The following CCND3 variants were observed in gnomAD, a reference collection of about 807,000 sequenced individuals.
CCND3 encodes the protein cyclin D3, also known as G1/S-specific cyclin-D3.
Under a neutral mutation model 28.7 loss-of-function variants are expected in CCND3, and 9 were observed. The ratio of observed to expected loss-of-function variants is 0.31; its 90% CI spans 0.19 to 0.55. The LOEUF (loss-of-function observed/expected upper bound fraction) is 0.55, where lower values mean the gene tolerates loss of function less well. Ranked by LOEUF, CCND3 falls within the 20% of genes least tolerant of loss-of-function variation. The pLI is 0.93. For synonymous variants in CCND3, 164 were observed against 163.9 expected, an observed-to-expected ratio of 1.00 and a Z score of 0.00; for missense variants, 315 against 385.8, an observed-to-expected ratio of 0.82 and a Z score of 1.54.
rs141221645 is a variant in CCND3 at position 42,002,509 on chromosome 6, G to A, written c.-46+45992C>T. Among the ~76,000 whole-genome samples the A allele has an allele frequency of 8.0e-4, 121 of 151,614 alleles. 2 individuals are homozygous for A. The highest frequency in any genetic ancestry group is 6.3e-3 in the Admixed American group (96 of 15,180). On this transcript the variant is annotated intron_variant, in intron 1 of 4. Transcript: ENST00000372988. ...AATAAAGAAAGCAAACTTATACAAT[G>A]CAGCTAAAACAACACTTACAGGGAA...
Position 41,941,228 on chromosome 6 carries a change from T to C in CCND3, c.198+224A>G, listed in dbSNP as rs898830144. 7.0e-6 allele frequency: 10 copies of C among 1,432,894 alleles called. No homozygotes were observed. The highest frequency in any genetic ancestry group is 8.2e-6 in the Non-Finnish European group (9 of 1,097,600). 88.8% of individuals were successfully genotyped at this position (1,432,894 alleles called of 1,614,324 possible). ...TGCTCGGCCCGAAGAGAGGCACAGT[T>C]AGGGTGCCAAGTGACTGGCAGTCAC... On this transcript the variant is annotated intron_variant, in intron 1 of 4. Coordinates refer to ENST00000372991, the MANE Select transcript of CCND3 (RefSeq NM_001760.5). This position sits in a 1 kb window ranked among gnomAD's most constrained non-coding sequence, Gnocchi z 6.1.
intron 1 of CCND3, among the ~76,000 whole-genome samples, chr6:41,955,731 C>T (rs568696505): frequency 2.0e-5 from 3 of 151,242 alleles, no homozygotes; most frequent in East Asian, 3.9e-4. Flanking sequence ...TGCTCGAGGC[C>T]AGGAGTTTGA....
intron 1 of CCND3, among the ~76,000 whole-genome samples, chr6:41,967,161 A>G (rs1186880000): frequency 1.3e-5 from 2 of 152,166 alleles, no homozygotes; most frequent in Non-Finnish European, 2.9e-5. Context: ...TTTCAGACCC[A>G]TGGTTCCTTT....
intron 1 of CCND3, among the ~76,000 whole-genome samples, chr6:41,988,971 T>G (rs1450301427): frequency 6.6e-6 from 1 of 151,850 alleles, no homozygotes; most frequent in Non-Finnish European, 1.5e-5. Context: ...AGTGCTGGGA[T>G]TACAGGCGTG....
intron 1 of CCND3, among the ~76,000 whole-genome samples, chr6:42,010,020 C>CCT (rs1763295297): frequency 6.6e-6 from 1 of 152,128 alleles, no homozygotes; most frequent in Non-Finnish European, 1.5e-5. Flanking sequence ...GCTTGGAGAA[C>CCT]CTTTGTTCTA....
At chr6:41,991,343 G>A (rs149463561) in intron 1 of CCND3, among the ~76,000 whole-genome samples, 10 of 152,330 alleles carry the variant, frequency 6.6e-5, no homozygotes, top group Middle Eastern at 6.8e-3. Context: ...ATAGGCGTAA[G>A]CCACCATGCC....
intron 1 of CCND3, among the ~76,000 whole-genome samples, chr6:42,009,488 T>C (rs1691594759): frequency 6.6e-6 from 1 of 152,162 alleles, no homozygotes; most frequent in Non-Finnish European, 1.5e-5. Context: ...GGCGGATGCC[T>C]GTAATCCCAG....
At chr6:41,986,263 T>C (rs970344600) in intron 1 of CCND3, among the ~76,000 whole-genome samples, 3 of 152,030 alleles carry the variant, frequency 2.0e-5, no homozygotes, top group Non-Finnish European at 2.9e-5. Context: ...CTATTCATGA[T>C]CTTTTGTGGT....
At chr6:42,044,300 G>A (rs1012513301) in intron 1 of CCND3, among the ~76,000 whole-genome samples, 3 of 152,202 alleles carry the variant, frequency 2.0e-5, no homozygotes, top group East Asian at 1.9e-4. Flanking sequence ...TGGGAGCAGA[G>A]GCTCCCTGAA....
chr6:42,028,971 GT>G (rs796486498), intron 1 of CCND3, among the ~76,000 whole-genome samples: 5,799 of 137,750 alleles, frequency 0.042, 114 homozygotes, highest in African/African-American at 0.054. Context: ...CCTTGAAACG[GT>G]TTTTTTTTTT....
chr6:41,940,615 T>A, intron 1 of CCND3, 30 bp from the exon 2 acceptor site: 2 of 1,456,228 alleles, frequency 1.4e-6, no homozygotes, highest in South Asian at 1.1e-5. Context: ...CACTGCTGGG[T>A]CTGGAGCGTG....
chr6:41,978,629 T>C (rs903792234), intron 1 of CCND3, among the ~76,000 whole-genome samples: 2 of 151,964 alleles, frequency 1.3e-5, no homozygotes, highest in East Asian at 1.9e-4. Context: ...TGGGGAGGTG[T>C]TGGGGGAAGT....
At chr6:41,960,369 G>A (rs150145286) in intron 1 of CCND3, among the ~76,000 whole-genome samples, 10 of 152,276 alleles carry the variant, frequency 6.6e-5, no homozygotes, top group Non-Finnish European at 1.0e-4. Context: ...TTGTACTTTC[G>A]ATAGGTGAAT....
chr6:42,032,803 G>A (rs1384555041), intron 1 of CCND3, among the ~76,000 whole-genome samples: 2 of 152,194 alleles, frequency 1.3e-5, no homozygotes, highest in Non-Finnish European at 2.9e-5. Flanking sequence ...GACTGGCAGA[G>A]GTAACAGCCA....
At chr6:41,966,877 CA>C (rs1372293239) in intron 1 of CCND3, among the ~76,000 whole-genome samples, 3 of 152,116 alleles carry the variant, frequency 2.0e-5, no homozygotes, top group African/African-American at 7.2e-5. Flanking sequence ...TGAGAATTCA[CA>C]CAAATTCTGG....
intron 1 of CCND3, among the ~76,000 whole-genome samples, chr6:41,972,566 G>T (rs1283692482): frequency 6.6e-6 from 1 of 152,088 alleles, no homozygotes; most frequent in Non-Finnish European, 1.5e-5. Flanking sequence ...TTTATAAAAT[G>T]GTGGTTGCAT....
intron 1 of CCND3, among the ~76,000 whole-genome samples, chr6:42,006,033 G>A (rs1235129175): frequency 1.3e-5 from 2 of 151,738 alleles, no homozygotes; most frequent in Non-Finnish European, 2.9e-5. Context: ...AGGGTGTGGT[G>A]TTGTGTGCCT....
upstream of CCND3, among the ~76,000 whole-genome samples, chr6:41,945,163 TAAG>T (rs1482880185): frequency 6.6e-6 from 1 of 151,998 alleles, no homozygotes; most frequent in Non-Finnish European, 1.5e-5. Flanking sequence ...ACAGGCCAAA[TAAG>T]AAACCCCAAG....
At chr6:41,970,033 G>A (rs144637466) in intron 1 of CCND3, among the ~76,000 whole-genome samples, 1,648 of 152,076 alleles carry the variant, frequency 0.011, 26 homozygotes, top group African/African-American at 0.035. Flanking sequence ...GCAGGACCTC[G>A]TATCTAAGAA....
Sources: allele counts gnomAD v4.1 joint callset (sites outside exome capture counted in the v4.1 genomes callset), GRCh38; gene constraint gnomAD v4.1.1; non-coding constraint Gnocchi (gnomAD v3.1); transcripts MANE v1.5; gene names NCBI Gene and HGNC (gene_info 2026-07-23, HGNC 2026-07-21).